Variants in DENND2A observed in about 807,000 individuals in gnomAD.
DENND2A encodes DENN domain-containing protein 2A.
DENND2A carries 53 observed loss-of-function variants against 105.3 expected under a neutral mutation model. That is an observed-to-expected ratio of 0.50 (90% CI 0.40 to 0.63). The LOEUF (loss-of-function observed/expected upper bound fraction) is 0.63, where lower values mean the gene tolerates loss of function less well. DENND2A is among the 30% of genes least tolerant of loss of function. The pLI is 0.00. For missense variants in DENND2A, 1,138 were observed against 1,279.6 expected (o/e 0.89, Z 1.69); for synonymous variants, 522 against 508.4 (o/e 1.03, Z -0.36).
chr7:140,630,274 C>G (rs1280832100), intron 1 of DENND2A, among the ~76,000 whole-genome samples: 1 of 152,068 alleles, frequency 6.6e-6, no homozygotes, highest in Non-Finnish European at 1.5e-5. Context: ...CCATGGCTGG[C>G]TAATTTTTGT....
chr7:140,635,459 G>A (rs1800888886), intron 1 of DENND2A, among the ~76,000 whole-genome samples: 1 of 152,202 alleles, frequency 6.6e-6, no homozygotes, highest in Admixed American at 6.5e-5. Context: ...GATCCGCAGT[G>A]TACGGAAGGC....
At chr7:140,621,133 A>G (rs1164096242) in intron 1 of DENND2A, among the ~76,000 whole-genome samples, 1 of 152,084 alleles carries the variant, frequency 6.6e-6, no homozygotes, top group Non-Finnish European at 1.5e-5. Context: ...GGCTCAAGTG[A>G]TCCTCCCACC....
Position 140,576,514 on chromosome 7 carries a change from A to G in DENND2A, c.1246-2506T>C, listed in dbSNP as rs1214397015. On this transcript the variant is annotated intron_variant, in intron 5 of 19. Coordinates refer to ENST00000496613, the MANE Select transcript of DENND2A (RefSeq NM_015689.5). ...TTAATGAAAGAGCTTTTCTTTATCAACTTATGAGGCCACATTTATCCTATC... is the reference window on the plus strand; with the variant it reads ...TTAATGAAAGAGCTTTTCTTTATCAGCTTATGAGGCCACATTTATCCTATC... Among the ~76,000 whole-genome samples the G allele has an allele frequency of 2.0e-5, 3 of 152,296 alleles. No individual in the cohort carries two copies. The East Asian group carries it at 5.8e-4, about 29-fold the overall frequency.
intron 14 of DENND2A, among the ~76,000 whole-genome samples, chr7:140,537,657 A>ATTTGTTTGTTTGTTTGTTTGTTTG (rs10653353): frequency 2.0e-5 from 3 of 151,584 alleles, no homozygotes; most frequent in African/African-American, 7.3e-5. Context: ...GGTGTTTTTC[A>ATTTGTTTGTTTGTTTGTTTGTTTG]TTTGTTTGTT....
At chr7:140,553,486 T>G (rs931404653) in intron 12 of DENND2A, among the ~76,000 whole-genome samples, 29 of 152,138 alleles carry the variant, frequency 1.9e-4, no homozygotes, top group African/African-American at 5.8e-4. Context: ...AAAGAGGCAT[T>G]CCTTCCTCTT....
At position 140,546,914 on chromosome 7, in the gene DENND2A, C is replaced by T. The variant is rs755191369; in HGVS notation, c.2063G>A (p.Arg688Gln). ...CTGAACCAGGGCAGGAGAGATGCCT[C>T]GTCTTTTTTCCACCTCATCCAAGAT... ...SRILDEVEKR[R>Q]GISPALVQPL... is the part of the protein sequence containing the mutation. The change falls in exon 13 of 20, where the codon CGA becomes CAA. Residue 688 changes from arginine to glutamine, a missense_variant. Coordinates refer to ENST00000496613, the MANE Select transcript of DENND2A (RefSeq NM_015689.5). 6.2e-6 allele frequency: 10 copies of T among 1,613,470 alleles called. No homozygotes were observed. The highest frequency in any genetic ancestry group is 4.4e-5 in the South Asian group (4 of 90,944).
intron 18 of DENND2A, among the ~76,000 whole-genome samples, chr7:140,521,433 C>T (rs1187420244): frequency 9.9e-5 from 15 of 152,026 alleles, no homozygotes; most frequent in African/African-American, 3.4e-4. Context: ...ACCATCACAC[C>T]GATCTAATTT....
intron 9 of DENND2A, among the ~76,000 whole-genome samples, chr7:140,560,404 A>G (rs1797566124): frequency 6.6e-6 from 1 of 152,182 alleles, no homozygotes; most frequent in South Asian, 2.1e-4. Context: ...TGGTCACATG[A>G]GTTAATGTTC....
Position 140,527,435 on chromosome 7 carries a change from G to GTAGATCAGCC in DENND2A, c.2387_2388insGGCTGATCTA (p.His796GlnfsTer48). On this transcript the variant is annotated frameshift_variant, in exon 15 of 20. Transcript: ENST00000496613. LOFTEE classifies it high-confidence loss of function. This position sits in a 1 kb window ranked among gnomAD's most constrained non-coding sequence, Gnocchi z 4.9. ...CGGGTGGCAGCACCGGGATGTAGGT[G>GTAGATCAGCC]TGCTGCCAGGCGAAGGGGTAGATCA... 1 of 1,602,938 alleles carries GTAGATCAGCC rather than the reference G, an allele frequency of 6.2e-7. No homozygotes were observed. The highest frequency in any genetic ancestry group is 8.5e-7 in the Non-Finnish European group (1 of 1,176,400).
At chr7:140,598,525 G>A (rs1422129219) in intron 3 of DENND2A, among the ~76,000 whole-genome samples, 1 of 152,126 alleles carries the variant, frequency 6.6e-6, no homozygotes, top group Non-Finnish European at 1.5e-5. Context: ...ATGATTCTTT[G>A]TAGACAATAT....
chr7:140,575,078 C>G lies in DENND2A; in HGVS notation c.1246-1070G>C, dbSNP rs527718170. ...AAATACTTGCTAAAAAAATTTAGAACCCATAGACGATAACTCACAGAAATT... is the reference window on the plus strand; with the variant it reads ...AAATACTTGCTAAAAAAATTTAGAAGCCATAGACGATAACTCACAGAAATT... On this transcript the variant is annotated intron_variant, in intron 5 of 19. Transcript: ENST00000496613. 1.6e-4 allele frequency among the ~76,000 whole-genome samples: 24 copies of G among 152,058 alleles called. No homozygotes were observed. In the South Asian group the frequency reaches 4.6e-3, roughly 29 times the overall value.
chr7:140,569,891 A>AT (rs35641355), intron 6 of DENND2A, among the ~76,000 whole-genome samples, 153 bp from the exon 7 acceptor site: 100 of 147,832 alleles, frequency 6.8e-4, no homozygotes, highest in East Asian at 3.6e-3. Context: ...TCTTTCAATC[A>AT]TTTTTTTTTT....
chr7:140,567,414 G>C, intron 8 of DENND2A, 141 bp from the exon 9 acceptor site: 1 of 688,864 alleles, frequency 1.5e-6, no homozygotes, highest in South Asian at 2.6e-5. Flanking sequence ...AATAGGTTAT[G>C]TAATTATCAG....
chr7:140,613,786 A>C (rs1585758058), intron 1 of DENND2A, among the ~76,000 whole-genome samples: 1 of 152,180 alleles, frequency 6.6e-6, no homozygotes, highest in Non-Finnish European at 1.5e-5. Context: ...TGAGTCACAC[A>C]CAAAAAAACT....
Position 140,518,781 on chromosome 7 carries a change from G to A in DENND2A, c.2999-43C>T, listed in dbSNP as rs73492325. 14,411 of 1,603,390 alleles carry A rather than the reference G, an allele frequency of 9.0e-3. 1,121 individuals carry two copies. In the African/African-American group the frequency reaches 0.17, roughly 19 times the overall value. ...GAGAACATTTCACAAGGCAGACAAAGGAGGGTGAGATAAATCTTGCCCTTT... is the reference window on the plus strand; with the variant it reads ...GAGAACATTTCACAAGGCAGACAAAAGAGGGTGAGATAAATCTTGCCCTTT... On this transcript the variant is annotated intron_variant, in intron 19 of 19. Coordinates refer to ENST00000496613, the MANE Select transcript of DENND2A (RefSeq NM_015689.5).
rs770696125 is a variant in DENND2A at position 140,602,424 on chromosome 7, G to A, written c.-27C>T. The A allele has an allele frequency of 1.3e-6, 2 of 1,521,060 alleles. No homozygotes were observed. Among genetic ancestry groups the A allele is most frequent in the Admixed American group, 2.0e-5 (1 of 49,800 alleles). 94.2% of individuals were successfully genotyped at this position (1,521,060 alleles called of 1,614,324 possible). On this transcript the variant is annotated 5_prime_UTR_variant, in exon 3 of 20. Transcript: ENST00000496613. ...CTTGACTCTAGCGTGAGGTTGTGGA[G>A]GCCTTCCAGGGGACTCCTTCTGAAG...
chr7:140,520,164 G>A (rs1795802885), intron 18 of DENND2A, among the ~76,000 whole-genome samples: 1 of 152,086 alleles, frequency 6.6e-6, no homozygotes, highest in South Asian at 2.1e-4. Flanking sequence ...AAATTAGCCA[G>A]GTGTGGTGGT....
chr7:140,610,644 A>G (rs896003375), intron 1 of DENND2A, among the ~76,000 whole-genome samples: 3 of 152,202 alleles, frequency 2.0e-5, no homozygotes, highest in African/African-American at 7.2e-5. Context: ...TAATTACACA[A>G]CAAATAGCTC....
In DENND2A at chr7:140,587,691, C is replaced by A. The variant is rs948923920; in HGVS notation, c.1085G>T (p.Arg362Leu). 1.2e-6 allele frequency: 2 copies of A among 1,613,880 alleles called. No individual in the cohort carries two copies. Among genetic ancestry groups the A allele is most frequent in the Non-Finnish European group, 1.7e-6 (2 of 1,179,960 alleles). The change falls in exon 4 of 20, where the codon CGC (arginine) becomes CTC (leucine). Residue 362 changes from arginine (R) to leucine (L), a missense_variant. Physicochemically the swap from Arg to Leu is moderately radical, Grantham distance 102. Around this residue, in one of 2 missense-constraint regions of DENND2A, gnomAD observed 511 missense variants for 499.9 expected, o/e 1.02. Coordinates refer to ENST00000496613, the MANE Select transcript of DENND2A (RefSeq NM_015689.5). Reference sequence around the variant, plus strand: ...ATAGACGTTCTCCTCCGATAAAGTGCGTGTCAGCCCCAGCTTAGTCTGCGC... The same window carrying A: ...ATAGACGTTCTCCTCCGATAAAGTGAGTGTCAGCCCCAGCTTAGTCTGCGC... ...WYAQTKLGLT[R>L]TLSEENVYED... is the part of the protein sequence containing the mutation.
Sources: gnomAD v4.1 joint callset for allele counts (sites outside exome capture counted in the v4.1 genomes callset) on GRCh38, gnomAD v4.1.1 for gene constraint, gnomAD v4.1.1 regional missense constraint, Gnocchi (gnomAD v3.1) non-coding constraint, MANE v1.5 for transcripts, NCBI Gene and HGNC (gene_info 2026-07-23, HGNC 2026-07-21) for gene names.